The following MRE11 variants were observed in gnomAD, a reference collection of about 807,000 sequenced individuals.
MRE11 encodes the protein double-strand break repair protein MRE11.
A neutral mutation model predicts 91.7 loss-of-function variants in MRE11; 62 were observed. The observed-to-expected ratio is 0.68, with a 90% CI of 0.55 to 0.84. MRE11 has a LOEUF of 0.84. Ranked by LOEUF, MRE11 falls within the 40% of genes least tolerant of loss-of-function variation. The pLI is 0.00. For synonymous variants in MRE11, 273 were observed against 271.4 expected (o/e 1.01, Z -0.06); for missense variants, 796 against 852.9 (o/e 0.93, Z 0.83).
At chr11:94,512,251 A>G in the MRE11 span, among the ~76,000 whole-genome samples, 1 of 152,232 alleles carries the variant, frequency 6.6e-6, no homozygotes, top group Non-Finnish European at 1.5e-5. Context: ...CTCTGGGAAT[A>G]GTAAAGCCTC....
Position 94,485,832 on chromosome 11 carries a change from T to C in MRE11, c.314+92A>G, listed in dbSNP as rs79462788. ...TGATATTTACTAAGAAAATAGCTTATATGGAAGGCAAAACAGTTGTGTGTT... is the reference window on the plus strand; with the variant it reads ...TGATATTTACTAAGAAAATAGCTTACATGGAAGGCAAAACAGTTGTGTGTT... On this transcript the variant is annotated intron_variant, in intron 4 of 19. Coordinates refer to ENST00000323929, the MANE Select transcript of MRE11 (RefSeq NM_005591.4). The C allele has an allele frequency of 6.7e-3, 7,932 of 1,188,738 alleles. 416 individuals carry two copies. In the African/African-American group the frequency reaches 0.11, roughly 16 times the overall value. The allele number at this position is 1,188,738 out of a possible 1,614,324, so 73.6% of individuals were successfully genotyped here. A position where few individuals can be genotyped will look rare whatever the true frequency, so the allele number is the denominator to read the frequency against.
intron 10 of MRE11, 40 bp from the exon 11 acceptor site, chr11:94,464,279 A>ACT: frequency 1.9e-6 from 3 of 1,613,002 alleles, no homozygotes; most frequent in Middle Eastern, 1.7e-4. Flanking sequence ...AGGAAACAAC[A>ACT]ATTTGCCAAT....
At chr11:94,497,827 G>A (rs938651552), upstream of MRE11, 3 of 426,246 alleles carry the variant, frequency 7.0e-6, no homozygotes, top group Non-Finnish European at 8.3e-6. Flanking sequence ...TAAATGTATG[G>A]TTTGATATTC....
At chr11:94,460,081 A>T (rs1946375478) in intron 12 of MRE11, among the ~76,000 whole-genome samples, 1 of 152,184 alleles carries the variant, frequency 6.6e-6, no homozygotes, top group African/African-American at 2.4e-5. Flanking sequence ...TTAGAGAGAT[A>T]CAACATTGCA....
intron 17 of MRE11, among the ~76,000 whole-genome samples, chr11:94,436,275 G>A (rs1265793308): frequency 6.6e-6 from 1 of 152,054 alleles, no homozygotes; most frequent in Non-Finnish European, 1.5e-5. Context: ...CAGACCATGT[G>A]GGAAATACTA....
At chr11:94,458,343 A>C (rs1946317373) in intron 13 of MRE11, among the ~76,000 whole-genome samples, 1 of 150,384 alleles carries the variant, frequency 6.6e-6, no homozygotes, top group Non-Finnish European at 1.5e-5. Flanking sequence ...AATTACATAT[A>C]AAATAAAAAT....
At chr11:94,425,530 T>C (rs572165464) in intron 19 of MRE11, among the ~76,000 whole-genome samples, 3 of 152,314 alleles carry the variant, frequency 2.0e-5, no homozygotes, top group African/African-American at 7.2e-5. Flanking sequence ...TGTCTAAATG[T>C]CACTACTTAA....
intron 18 of MRE11, among the ~76,000 whole-genome samples, chr11:94,433,700 TCAC>T (rs946327304): frequency 2.6e-5 from 4 of 152,188 alleles, no homozygotes; most frequent in Non-Finnish European, 4.4e-5. Flanking sequence ...GACATGCCTT[TCAC>T]CTTCTGCCAT....
chr11:94,484,799 C>T (rs1252049066), intron 4 of MRE11, among the ~76,000 whole-genome samples: 3 of 152,272 alleles, frequency 2.0e-5, no homozygotes, highest in Middle Eastern at 3.4e-3. Context: ...TACAAAATAC[C>T]TGACCTCTTT....
the MRE11 span, among the ~76,000 whole-genome samples, chr11:94,509,771 C>G: frequency 6.6e-6 from 1 of 152,120 alleles, no homozygotes; most frequent in African/African-American, 2.4e-5. Flanking sequence ...ATGTTGACAG[C>G]CAATAACAGT....
At chr11:94,420,833 C>T (rs1230847111) in intron 19 of MRE11, among the ~76,000 whole-genome samples, 1 of 152,078 alleles carries the variant, frequency 6.6e-6, no homozygotes, top group East Asian at 1.9e-4. Context: ...GAGATCGAGA[C>T]CATCCTGGCT....
chr11:94,480,410 T>A (rs1346442706), intron 4 of MRE11, among the ~76,000 whole-genome samples: 1 of 152,244 alleles, frequency 6.6e-6, no homozygotes, highest in Non-Finnish European at 1.5e-5. Flanking sequence ...TTTCTTCTGC[T>A]CTGTCAGCCA....
At chr11:94,503,560 C>A in the MRE11 span, among the ~76,000 whole-genome samples, 256 of 152,084 alleles carry the variant, frequency 1.7e-3, no homozygotes, top group African/African-American at 6.0e-3. Flanking sequence ...CATGGTGGCA[C>A]ACCCCTGTAG....
chr11:94,493,034 C>A, intron 1 of MRE11, 128 bp from the exon 2 acceptor site: 1 of 565,894 alleles, frequency 1.8e-6, no homozygotes, highest in Non-Finnish European at 3.1e-6. Context: ...TCATTTTCAT[C>A]TAAGCACCCA....
intron 2 of MRE11, among the ~76,000 whole-genome samples, chr11:94,491,989 A>T (rs1011177431): frequency 6.6e-6 from 1 of 152,210 alleles, no homozygotes; most frequent in African/African-American, 2.4e-5. Flanking sequence ...AATTAATCTG[A>T]AAAAGGTATA....
rs572848562 is a variant in MRE11, at chr11:94,485,868, AT to A, written c.314+55del. 6,885 of 1,536,726 alleles carry A rather than the reference AT, an allele frequency of 4.5e-3. 43 individuals are homozygous for A. Among genetic ancestry groups the A allele is most frequent in the Non-Finnish European group, 4.3e-3 (4,803 of 1,112,626 alleles). On this transcript the variant is annotated intron_variant, in intron 4 of 19. Transcript: ENST00000323929. ...AAACAGTTGTGTGTTTACGTGTCTT[AT>A]ACAGCAAATACCATACACAAGTAAT...
At chr11:94,498,023 T>G, upstream of MRE11, 5 of 1,397,894 alleles carry the variant, frequency 3.6e-6, no homozygotes, top group Non-Finnish European at 4.8e-6. Flanking sequence ...GTTTTAGTTA[T>G]TGTTTTGGTT....
At chr11:94,456,145 G>A in intron 14 of MRE11, 131 bp downstream of exon 14, 1 of 743,544 alleles carries the variant, frequency 1.3e-6, no homozygotes, top group Non-Finnish European at 2.3e-6. Flanking sequence ...ACCAAAAGCA[G>A]CCATCCTAAG....
chr11:94,420,453 T>C (rs561343284), intron 19 of MRE11, among the ~76,000 whole-genome samples: 6 of 152,342 alleles, frequency 3.9e-5, no homozygotes, highest in African/African-American at 1.4e-4. Flanking sequence ...AAATGAAGTA[T>C]AGGTAAGCCA....
Sources: gnomAD v4.1 joint callset for allele counts (sites outside exome capture counted in the v4.1 genomes callset) on GRCh38, gnomAD v4.1.1 for gene constraint, MANE v1.5 for transcripts, NCBI Gene and HGNC (gene_info 2026-07-23, HGNC 2026-07-21) for gene names.